Variants in FNIP1 observed in about 807,000 individuals in gnomAD.
The protein encoded by FNIP1 is folliculin interacting protein 1.
A neutral mutation model predicts 124.5 loss-of-function variants in FNIP1; 40 were observed. The observed-to-expected ratio is 0.32, with a 90% CI of 0.25 to 0.42. The LOEUF is 0.42. Among genes scored for constraint, FNIP1 ranks in the 10% least tolerant of loss-of-function variants. The probability of loss-of-function intolerance (pLI) is 1.00; values close to 1 mark genes in which losing one functional copy is unlikely to be tolerated. For missense variants in FNIP1, 1,176 were observed against 1,403.7 expected (o/e 0.84, Z 2.59); for synonymous variants, 472 against 470.6 (o/e 1.00, Z -0.04).
intron 11 of FNIP1, among the ~76,000 whole-genome samples, chr5:131,682,910 C>T (rs760171583): frequency 1.3e-5 from 2 of 152,114 alleles, no homozygotes; most frequent in Non-Finnish European, 2.9e-5. Context: ...TGGGAGGAAA[C>T]TGTAGGCATG....
intron 5 of FNIP1, among the ~76,000 whole-genome samples, chr5:131,717,361 C>T (rs1425031166): frequency 6.6e-6 from 1 of 152,116 alleles, no homozygotes; most frequent in African/African-American, 2.4e-5. Flanking sequence ...TGTATATGCG[C>T]CACATTTTCT....
chr5:131,693,333 CATATATATAT>C (rs70974007), intron 11 of FNIP1, among the ~76,000 whole-genome samples: 11 of 50,152 alleles, frequency 2.2e-4, no homozygotes, highest in South Asian at 1.3e-3. Flanking sequence ...TATATATATA[CATATATATAT>C]ATATATATAT....
chr5:131,697,968 C>CAAAAAAAA (rs753487190), intron 11 of FNIP1, among the ~76,000 whole-genome samples: 4 of 58,762 alleles, frequency 6.8e-5, no homozygotes, highest in Non-Finnish European at 1.3e-4. Flanking sequence ...GACTCCACCT[C>CAAAAAAAA]AAAAAAAAAA....
At chr5:131,696,514 G>A (rs1768696998) in intron 11 of FNIP1, among the ~76,000 whole-genome samples, 1 of 151,980 alleles carries the variant, frequency 6.6e-6, no homozygotes, top group South Asian at 2.1e-4. Context: ...TTTAGAGATT[G>A]ATTTCAAAAC....
chr5:131,779,002 G>C (rs1216535354), intron 1 of FNIP1, among the ~76,000 whole-genome samples: 13 of 105,296 alleles, frequency 1.2e-4, no homozygotes, highest in Admixed American at 8.9e-4. Flanking sequence ...GTGGTGGGGA[G>C]GGGGGAGGGG....
chr5:131,670,058 T>G (rs1767707013), intron 15 of FNIP1, among the ~76,000 whole-genome samples: 1 of 152,110 alleles, frequency 6.6e-6, no homozygotes, highest in Non-Finnish European at 1.5e-5. Flanking sequence ...ATGAATAGAC[T>G]AATAAGAGTT....
intron 1 of FNIP1, chr5:131,796,387 A>T (rs1296044744): frequency 5.7e-6 from 1 of 174,590 alleles, no homozygotes; most frequent in African/African-American, 2.4e-5. Context: ...CCACAACGCC[A>T]ACGGAGCTGG....
At chr5:131,781,198 G>T (rs1771984766) in intron 1 of FNIP1, among the ~76,000 whole-genome samples, 1 of 152,342 alleles carries the variant, frequency 6.6e-6, no homozygotes, top group Admixed American at 6.5e-5. Context: ...TGAGAAGTTT[G>T]AAAGTAGTAT....
intron 9 of FNIP1, 94 bp from the exon 10 acceptor site, chr5:131,704,360 T>C: frequency 1.9e-6 from 2 of 1,047,618 alleles, no homozygotes; most frequent in Non-Finnish European, 2.7e-6. Flanking sequence ...AGCTAAGTCT[T>C]TTGCTGTTTT....
In FNIP1 at chr5:131,672,505, A is replaced by G. The variant is rs1157211767; in HGVS notation, c.1939T>C (p.Cys647Arg). ...SKELLGISDE[C>R]QMISPSDCQE... The stretch of plus-strand genomic sequence containing the variant: ...CAGTCAGAAGGAGAAATCATCTGGC[A>G]CTCATCTGAAATTCCTAGCAGCTCC... Residue 647 changes from cysteine to arginine, a missense_variant, in exon 14 of 18, where the codon TGC becomes CGC. This residue lies in a region of FNIP1 where 1,109 missense variants were observed against 1,288.5 expected (regional missense o/e 0.86). Coordinates refer to ENST00000510461, the MANE Select transcript of FNIP1 (RefSeq NM_133372.3). The G allele has an allele frequency of 1.2e-6, 2 of 1,613,584 alleles. No homozygotes were observed. The highest frequency in any genetic ancestry group is 3.3e-5 in the Admixed American group (2 of 60,028).
At chr5:131,661,205 C>T (rs868269090) in intron 15 of FNIP1, among the ~76,000 whole-genome samples, 18 of 129,530 alleles carry the variant, frequency 1.4e-4, no homozygotes, top group East Asian at 6.1e-4. Flanking sequence ...ACCTTCTGTC[C>T]GTCTTGTCTT....
intron 2 of FNIP1, among the ~76,000 whole-genome samples, chr5:131,735,809 G>C (rs903992556): frequency 1.4e-5 from 2 of 141,338 alleles, no homozygotes; most frequent in African/African-American, 5.9e-5. Flanking sequence ...TTAAGGGAAT[G>C]TGTGTGTGTG....
chr5:131,779,409 G>A (rs1225385539), intron 1 of FNIP1, among the ~76,000 whole-genome samples: 1 of 152,084 alleles, frequency 6.6e-6, no homozygotes, highest in Non-Finnish European at 1.5e-5. Flanking sequence ...GCCGGGCATG[G>A]TGGCTTACGC....
chr5:131,693,697 A>ATACT (rs1200354488), intron 11 of FNIP1, among the ~76,000 whole-genome samples: 2 of 152,106 alleles, frequency 1.3e-5, no homozygotes, highest in South Asian at 2.1e-4. Context: ...ACAGCACCAA[A>ATACT]TACTATACAG....
intron 3 of FNIP1, among the ~76,000 whole-genome samples, chr5:131,730,094 G>A (rs1228332473): frequency 2.0e-5 from 3 of 152,106 alleles, no homozygotes; most frequent in East Asian, 3.8e-4. Context: ...GCAAAATGGT[G>A]TAAGTCATGA....
rs371800361 is a variant in FNIP1 at position 131,693,387 on chromosome 5, CAGAAT to C, written c.1202+5525_1202+5529del. Among the ~76,000 whole-genome samples, 83 of 110,398 alleles carry C rather than the reference CAGAAT, an allele frequency of 7.5e-4. 4 individuals are homozygous for C. In the South Asian group the frequency reaches 0.022, roughly 29 times the overall value. The allele number at this position is 110,398 out of a possible 152,430, so 72.4% of individuals were successfully genotyped here. ...AGTTACAGAGATCAACAGAACAGAA[CAGAAT>C]AGAACAGAACAGGGAGCCCCCAAAC... On this transcript the variant is annotated intron_variant, in intron 11 of 17. Transcript: ENST00000510461.
chr5:131,777,780 C>G (rs866117984), intron 1 of FNIP1, among the ~76,000 whole-genome samples: 4 of 152,036 alleles, frequency 2.6e-5, no homozygotes, highest in African/African-American at 9.7e-5. Flanking sequence ...AAGTGTGGTC[C>G]CTACACTAAC....
At chr5:131,697,839 C>T (rs770482478) in intron 11 of FNIP1, among the ~76,000 whole-genome samples, 4 of 151,292 alleles carry the variant, frequency 2.6e-5, no homozygotes, top group South Asian at 2.1e-4. Context: ...CATGGTGGCA[C>T]GCGTCTGTAA....
chr5:131,642,030 T>G lies in FNIP1; in HGVS notation c.*2655A>C, dbSNP rs1370754826. ...ACATATTAATAAAAGCCAGAAATAT[T>G]TAAAATCAAACCAATTAGTTTATAT... On this transcript the variant is annotated 3_prime_UTR_variant, in exon 18 of 18. Transcript: ENST00000510461. The G allele has an allele frequency of 6.5e-6, 1 of 152,736 alleles. No homozygotes were observed. Among genetic ancestry groups the G allele is most frequent in the Non-Finnish European group, 1.5e-5 (1 of 68,038 alleles). 9.5% of individuals were successfully genotyped at this position (152,736 alleles called of 1,614,324 possible).
Sources: gnomAD v4.1 joint callset for allele counts (sites outside exome capture counted in the v4.1 genomes callset) on GRCh38, gnomAD v4.1.1 for gene constraint, gnomAD v4.1.1 regional missense constraint, MANE v1.5 for transcripts, NCBI Gene and HGNC (gene_info 2026-07-23, HGNC 2026-07-21) for gene names.